Variants in ZNF341 observed in about 807,000 individuals in gnomAD.
ZNF341 encodes zinc finger protein 341.
Under a neutral mutation model 87.7 loss-of-function variants are expected in ZNF341, and 52 were observed. That is an observed-to-expected ratio of 0.59 (90% CI 0.47 to 0.75). The LOEUF is 0.75. Ranked by LOEUF, ZNF341 falls within the 30% of genes least tolerant of loss-of-function variation. The pLI is 0.00. For synonymous variants in ZNF341, 459 were observed against 472.7 expected, an observed-to-expected ratio of 0.97 and a Z score of 0.38; for missense variants, 977 against 1,145.9, an observed-to-expected ratio of 0.85 and a Z score of 2.13.
Position 33,748,897 on chromosome 20 carries a change from C to G in ZNF341, c.340-26C>G, listed in dbSNP as rs1348966361. ...ACACACTCTGTCTCTCTCCGTCTCA[C>G]TCATTCTCTCTCTCCCACTGTCCAG... On this transcript the variant is annotated intron_variant, in intron 3 of 14. Coordinates refer to ENST00000375200, the MANE Select transcript of ZNF341 (RefSeq NM_001282933.2). 5.0e-6 allele frequency: 8 copies of G among 1,596,144 alleles called. No individual in the cohort carries two copies. In the Admixed American group the frequency reaches 6.7e-5, roughly 13 times the overall value.
At chr20:33,734,581 G>A (rs148921827) in intron 1 of ZNF341, among the ~76,000 whole-genome samples, 159 of 152,308 alleles carry the variant, frequency 1.0e-3, no homozygotes, top group African/African-American at 3.7e-3. Flanking sequence ...TGGGTTGAGG[G>A]AAGACCCAAG....
intron 8 of ZNF341, among the ~76,000 whole-genome samples, chr20:33,765,715 TC>T (rs933092143): frequency 6.6e-6 from 1 of 152,022 alleles, no homozygotes; most frequent in African/African-American, 2.4e-5. Flanking sequence ...TTTTTGAAAC[TC>T]CTTTAGTGCC....
In ZNF341 at chr20:33,791,292, G is replaced by C. The variant is rs775666172; in HGVS notation, c.2340G>C (p.Gly780=). Residue 780 remains glycine (G), a synonymous_variant, in exon 15 of 15, where the codon GGG becomes GGC. Transcript: ENST00000375200. ...PLGLEELKDT[G]AGLVPEAVPG... Reference sequence around the variant, plus strand: ...GGCTGGAGGAGCTGAAGGACACAGGGGCTGGGCTGGTGCCCGAGGCTGTCC... The same window carrying C: ...GGCTGGAGGAGCTGAAGGACACAGGCGCTGGGCTGGTGCCCGAGGCTGTCC... 6.2e-7 allele frequency: 1 copy of C among 1,611,730 alleles called. No homozygotes were observed. The highest frequency in any genetic ancestry group is 8.5e-7 in the Non-Finnish European group (1 of 1,179,548).
In ZNF341 at chr20:33,783,862, C is replaced by A. The variant is rs1488567012; in HGVS notation, c.1850C>A (p.Ser617Ter). 2 of 1,612,406 alleles carry A rather than the reference C, an allele frequency of 1.2e-6. No individual in the cohort carries two copies. Among genetic ancestry groups the A allele is most frequent in the Non-Finnish European group, 8.5e-7 (1 of 1,179,248 alleles). Residue 617 changes from serine to a stop codon, truncating the protein, a stop_gained and splice_region_variant, in exon 12 of 15, where the codon TCG (serine) becomes TAG (stop). Coordinates refer to ENST00000375200, the MANE Select transcript of ZNF341 (RefSeq NM_001282933.2). LOFTEE classifies it high-confidence loss of function. The part of the protein sequence containing the change: ...HYLKLHAHIH[S>*]GEKPYKCSVC... ...CTCAAACTGCATGCTCACATCCACT[C>A]GGGTAGGTACCCTGCCCCTGAGAAC...
intron 2 of ZNF341, among the ~76,000 whole-genome samples, chr20:33,743,746 G>A (rs763460059): frequency 3.9e-5 from 6 of 152,202 alleles, no homozygotes; most frequent in African/African-American, 1.2e-4. Context: ...CACAGTGAGC[G>A]CATAGCTGTG....
intron 11 of ZNF341, among the ~76,000 whole-genome samples, chr20:33,781,918 G>A (rs943094006): frequency 1.3e-5 from 2 of 151,942 alleles, no homozygotes; most frequent in African/African-American, 4.8e-5. Context: ...GGGCTTAAGG[G>A]ACCTGTCCAC....
intron 6 of ZNF341, among the ~76,000 whole-genome samples, 189 bp from the exon 7 acceptor site, chr20:33,758,527 G>T (rs2019227761): frequency 6.6e-6 from 1 of 152,144 alleles, no homozygotes; most frequent in Non-Finnish European, 1.5e-5. Flanking sequence ...TTTCCCAGCT[G>T]GAGCATGTCC....
At chr20:33,762,689 C>A (rs888205655) in intron 8 of ZNF341, among the ~76,000 whole-genome samples, 1 of 151,986 alleles carries the variant, frequency 6.6e-6, no homozygotes, top group African/African-American at 2.4e-5. Context: ...TCCCCTTGTC[C>A]CCAGCCCCCC....
At chr20:33,743,335 ATTTTT>A (rs143611794) in intron 2 of ZNF341, among the ~76,000 whole-genome samples, 2 of 108,090 alleles carry the variant, frequency 1.9e-5, no homozygotes, top group African/African-American at 3.9e-5. Flanking sequence ...ACCCTGCCCA[ATTTTT>A]TTTTTTTTTT....
intron 10 of ZNF341, among the ~76,000 whole-genome samples, chr20:33,770,711 C>T (rs548763652): frequency 3.9e-5 from 6 of 152,146 alleles, no homozygotes; most frequent in African/African-American, 7.2e-5. Context: ...CAGGGTGTGG[C>T]GGCCCACATC....
chr20:33,746,516 G>C (rs1383499921), intron 3 of ZNF341, among the ~76,000 whole-genome samples: 1 of 152,082 alleles, frequency 6.6e-6, no homozygotes, highest in African/African-American at 2.4e-5. Flanking sequence ...ACAAGTGTGA[G>C]CCACCACACC....
chr20:33,781,574 G>C (rs1024314238), intron 11 of ZNF341, among the ~76,000 whole-genome samples, 187 bp downstream of exon 11: 1 of 152,182 alleles, frequency 6.6e-6, no homozygotes, highest in African/African-American at 2.4e-5. Context: ...TCCAGATGTG[G>C]CCATGTCGGG....
Position 33,790,983 on chromosome 20 carries a change from T to C in ZNF341, c.2036-5T>C. 5 of 1,607,162 alleles carry C rather than the reference T, an allele frequency of 3.1e-6. No homozygotes were observed. In the Middle Eastern group the frequency reaches 8.3e-4, roughly 266 times the overall value. ...GCTTCTCACTGACTTTCCCTTGCCC[T>C]CCAGGCATGAAGCTCCACAAATGCG... On this transcript the variant is annotated splice_polypyrimidine_tract_variant and splice_region_variant and intron_variant, in intron 14 of 14. Transcript: ENST00000375200.
Position 33,741,003 on chromosome 20 carries a change from C to T in ZNF341, c.133C>T (p.Gln45Ter). 1 of 1,614,132 alleles carries T rather than the reference C, an allele frequency of 6.2e-7. No individual in the cohort carries two copies. The change falls in exon 2 of 15, where the codon CAG becomes TAG. Residue 45 changes from glutamine (Q) to a stop codon, truncating the protein, a stop_gained. Coordinates refer to ENST00000375200, the MANE Select transcript of ZNF341 (RefSeq NM_001282933.2). LOFTEE classifies it high-confidence loss of function. The part of the protein sequence containing the change: ...GQSVNAPPAI[Q>*]PLDDEDVFLC... The stretch of plus-strand genomic sequence containing the variant: ...GAGTGTCAATGCGCCCCCTGCTATC[C>T]AGCCATTGGGTGAGTATCTGCTCAG...
chr20:33,772,370 G>A (rs980687863), intron 10 of ZNF341, among the ~76,000 whole-genome samples: 1 of 152,074 alleles, frequency 6.6e-6, no homozygotes, highest in Admixed American at 6.6e-5. Flanking sequence ...GTACAAACTT[G>A]TACCTGCAGA....
rs192990048 is a variant in ZNF341, at chr20:33,760,094, T to C, written c.1028+1288T>C. On this transcript the variant is annotated intron_variant, in intron 7 of 14. Transcript: ENST00000375200. ...GTGCTGTCGCTGTCCAATAGAACTT[T>C]CTGTAGCGATAGAAATGCTCAAATT... Among the ~76,000 whole-genome samples, 8 of 152,310 alleles carry C rather than the reference T, an allele frequency of 5.3e-5. No homozygotes were observed. The East Asian group carries it at 1.2e-3, about 22-fold the overall frequency.
At chr20:33,779,744 T>A (rs1388453442) in intron 10 of ZNF341, among the ~76,000 whole-genome samples, 7 of 152,144 alleles carry the variant, frequency 4.6e-5, no homozygotes, top group Non-Finnish European at 1.0e-4. Context: ...AGGCACTGCA[T>A]CCAGCCATGT....
In ZNF341 at chr20:33,740,980, G is replaced by A; in HGVS notation, c.110G>A (p.Ser37Asn). 6.2e-7 allele frequency: 1 copy of A among 1,614,216 alleles called. No individual in the cohort carries two copies. The highest frequency in any genetic ancestry group is 8.5e-7 in the Non-Finnish European group (1 of 1,180,050). Reference sequence around the variant, plus strand: ...GCAGTCCCTGATCCGACAGGCCAGAGTGTCAATGCGCCCCCTGCTATCCAG... The same window carrying A: ...GCAGTCCCTGATCCGACAGGCCAGAATGTCAATGCGCCCCCTGCTATCCAG... ...QGAVPDPTGQ[S>N]VNAPPAIQPL... Residue 37 changes from serine to asparagine, a missense_variant, in exon 2 of 15, where the codon AGT (serine) becomes AAT (asparagine). Ser to Asn is a conservative substitution (Grantham distance 46). Around this residue, in one of 3 missense-constraint regions of ZNF341, gnomAD observed 515 missense variants for 598.2 expected, o/e 0.86. Transcript: ENST00000375200.
intron 8 of ZNF341, among the ~76,000 whole-genome samples, chr20:33,766,085 A>C (rs748818490): frequency 1.3e-5 from 2 of 151,936 alleles, no homozygotes; most frequent in Non-Finnish European, 2.9e-5. Context: ...GGGTTTCACC[A>C]TGTTGGCCAG....
Sources: gnomAD v4.1 joint callset for allele counts (sites outside exome capture counted in the v4.1 genomes callset) on GRCh38, gnomAD v4.1.1 for gene constraint, gnomAD v4.1.1 regional missense constraint, MANE v1.5 for transcripts, NCBI Gene and HGNC (gene_info 2026-07-23, HGNC 2026-07-21) for gene names.